MEN1: variants seen among roughly 807,000 people sequenced by gnomAD.
MEN1 encodes the protein menin 1.
A neutral mutation model predicts 58.0 loss-of-function variants in MEN1; 6 were observed. That is an observed-to-expected ratio of 0.10 (90% CI 0.06 to 0.20). The LOEUF (loss-of-function observed/expected upper bound fraction) is 0.20. Among genes scored for constraint, MEN1 ranks in the 10% least tolerant of loss-of-function variants. MEN1 has a pLI of 1.00. For synonymous variants in MEN1, 346 were observed against 350.7 expected (o/e 0.99, Z 0.15); for missense variants, 492 against 818.5 (o/e 0.60, Z 4.87).
rs1565638856 is a variant in MEN1 at position 64,804,791 on chromosome 11, C to T, written c.1376G>A (p.Ser459Asn). Residue 459 changes from serine (S) to asparagine (N), a missense_variant, in exon 10 of 10, where the codon AGC (serine) becomes AAC (asparagine). Around this residue, in one of 5 missense-constraint regions of MEN1, gnomAD observed 45 missense variants for 66.9 expected, o/e 0.67. Transcript: ENST00000450708. This position sits in a 1 kb window ranked among gnomAD's most constrained non-coding sequence, Gnocchi z 4.2. ...GGCCTCGGCCGCCTCGGCCTCTCGG[C>T]TCACTATGCGCACCTTCTGCCGCAC... ...GQVRQKVRIV[S>N]REAEAAEAEE... The T allele has an allele frequency of 1.9e-6, 3 of 1,597,332 alleles. No individual in the cohort carries two copies. Among genetic ancestry groups the T allele is most frequent in the Non-Finnish European group, 2.5e-6 (3 of 1,179,256 alleles).
At position 64,807,831 on chromosome 11, in the gene MEN1, C is replaced by G. The variant is rs1046658620; in HGVS notation, c.654+60G>C. On this transcript the variant is annotated intron_variant, in intron 3 of 9. Coordinates refer to ENST00000450708, the MANE Select transcript of MEN1 (RefSeq NM_001370259.2). The surrounding 1 kb of genome is among the most constrained non-coding windows in gnomAD (Gnocchi z 4.9). ...GGTGTGGCCCAAGAAAATGGAGTCC[C>G]TTGGGTGGCTTGGGCTACTACAGTA... The G allele has an allele frequency of 1.9e-6, 3 of 1,609,206 alleles. No individual in the cohort carries two copies. The African/African-American group carries it at 4.0e-5, about 22-fold the overall frequency.
rs1592658740 is a variant in MEN1, at chr11:64,809,827, C to T, written c.283G>A (p.Ala95Thr). The change falls in exon 2 of 10, where the codon GCC becomes ACC. Residue 95 changes from alanine to threonine, a missense_variant. Around this residue, in one of 5 missense-constraint regions of MEN1, gnomAD observed 335 missense variants for 550.3 expected, o/e 0.61. Coordinates refer to ENST00000450708, the MANE Select transcript of MEN1 (RefSeq NM_001370259.2). ...AGGTCGACGGCGCCTCGGATCTGGG[C>T]GGTGAAGCGGGCATAGAGGGCGGCG... ...IIAALYARFT[A>T]QIRGAVDLSL... 1.2e-6 allele frequency: 2 copies of T among 1,611,472 alleles called. No homozygotes were observed. The highest frequency in any genetic ancestry group is 1.7e-6 in the Non-Finnish European group (2 of 1,179,414).
At position 64,804,161 on chromosome 11, in the gene MEN1, C is replaced by A. The variant is rs1286939851; in HGVS notation, c.*173G>T. 2.5e-6 allele frequency: 2 copies of A among 795,758 alleles called. No homozygotes were observed. Among genetic ancestry groups the A allele is most frequent in the Admixed American group, 2.2e-5 (1 of 46,492 alleles). 49.3% of individuals were successfully genotyped at this position (795,758 alleles called of 1,614,324 possible). ...AACGACTGGGGCAGAGCCCTGGGTT[C>A]TGAGCTGGAGAAAATCGTGGGTTTG... On this transcript the variant is annotated 3_prime_UTR_variant, in exon 10 of 10. Coordinates refer to ENST00000450708, the MANE Select transcript of MEN1 (RefSeq NM_001370259.2). The surrounding 1 kb of genome is among the most constrained non-coding windows in gnomAD (Gnocchi z 4.2).
At position 64,805,848 on chromosome 11, in the gene MEN1, T is replaced by C; in HGVS notation, c.1050-78A>G. On this transcript the variant is annotated intron_variant, in intron 7 of 9. Coordinates refer to ENST00000450708, the MANE Select transcript of MEN1 (RefSeq NM_001370259.2). ...GTAGCCCCAGGGACCTGGCGGGGGATGGAGCCCCCAGGGGCTGGGGGAGTA... is the reference window on the plus strand; with the variant it reads ...GTAGCCCCAGGGACCTGGCGGGGGACGGAGCCCCCAGGGGCTGGGGGAGTA... The C allele has an allele frequency of 4.0e-6, 6 of 1,515,384 alleles. No individual in the cohort carries two copies. The South Asian group carries it at 6.8e-5, about 17-fold the overall frequency. The allele number at this position is 1,515,384 out of a possible 1,614,324, so 93.9% of individuals were successfully genotyped here. A position where few individuals can be genotyped will look rare whatever the true frequency, so the allele number is the denominator to read the frequency against.
intron 1 of MEN1, 24 bp from the exon 2 acceptor site, chr11:64,810,156 A>AG: frequency 7.5e-6 from 2 of 267,476 alleles, no homozygotes; most frequent in East Asian, 5.6e-5. Flanking sequence ...CGGGGGAGGG[A>AG]GGGTCGGGCA....
In MEN1 at chr11:64,810,035, G is replaced by C. The variant is rs1399788808; in HGVS notation, c.75C>G (p.Ala25=). Residue 25 remains alanine, a synonymous_variant, in exon 2 of 10, where the codon GCC becomes GCG. Coordinates refer to ENST00000450708, the MANE Select transcript of MEN1 (RefSeq NM_001370259.2). ...SIDDVVRLFA[A]ELGREEPDLV... Reference sequence around the variant, plus strand: ...GGTCCGGCTCCTCTCGGCCCAGCTCGGCAGCAAACAGGCGCACCACGTCGT... The same window carrying C: ...GGTCCGGCTCCTCTCGGCCCAGCTCCGCAGCAAACAGGCGCACCACGTCGT... 2 of 1,609,704 alleles carry C rather than the reference G, an allele frequency of 1.2e-6. No homozygotes were observed. Among genetic ancestry groups the C allele is most frequent in the Non-Finnish European group, 1.7e-6 (2 of 1,178,226 alleles).
In MEN1 at chr11:64,803,765, T is replaced by C. The variant is rs1941434480; in HGVS notation, c.*569A>G. 3 of 241,258 alleles carry C rather than the reference T, an allele frequency of 1.2e-5. No homozygotes were observed. Among genetic ancestry groups the C allele is most frequent in the Non-Finnish European group, 1.6e-5 (2 of 122,054 alleles). The allele number at this position is 241,258 out of a possible 1,614,324, so 14.9% of individuals were successfully genotyped here. On this transcript the variant is annotated 3_prime_UTR_variant, in exon 10 of 10. Transcript: ENST00000450708. ...CTCATAGGCTGGGGGCGGAGTTTTG[T>C]GTCCCAGACTCGGGATACGAAGGAG...
rs1056705868 is a variant in MEN1, at chr11:64,810,066, G to A, written c.44C>T (p.Ser15Phe). Residue 15 changes from serine to phenylalanine, a missense_variant, in exon 2 of 10, where the codon TCC becomes TTC. Ser to Phe is a radical substitution (Grantham distance 155). Coordinates refer to ENST00000450708, the MANE Select transcript of MEN1 (RefSeq NM_001370259.2). ...AAQKTLFPLR[S>F]IDDVVRLFAA... ...AAACAGGCGCACCACGTCGTCGATG[G>A]AGCGCAGCGGGAACAGCGTCTTCTG... 1.2e-6 allele frequency: 2 copies of A among 1,608,188 alleles called. No individual in the cohort carries two copies. Among genetic ancestry groups the A allele is most frequent in the Non-Finnish European group, 1.7e-6 (2 of 1,178,146 alleles).
chr11:64,809,025 A>G (rs1941935527), intron 2 of MEN1, among the ~76,000 whole-genome samples: 1 of 151,302 alleles, frequency 6.6e-6, no homozygotes, highest in South Asian at 2.1e-4. Context: ...CATTTGGGAG[A>G]CTGAGGCGGG....
rs1258520848 is a variant in MEN1 at position 64,804,332 on chromosome 11, G to A, written c.*2C>T. 7 of 1,614,108 alleles carry A rather than the reference G, an allele frequency of 4.3e-6. No individual in the cohort carries two copies. Among genetic ancestry groups the A allele is most frequent in the African/African-American group, 2.7e-5 (2 of 74,938 alleles). The stretch of plus-strand genomic sequence containing the variant: ...CACAAGCGGTCCGAAGTCCCCAGTA[G>A]TTCAGAGGCCTTTGCGCTGCCGCTT... On this transcript the variant is annotated 3_prime_UTR_variant, in exon 10 of 10. Transcript: ENST00000450708. The surrounding 1 kb of genome is among the most constrained non-coding windows in gnomAD (Gnocchi z 4.2).
rs2136160476 is a variant in MEN1, at chr11:64,808,114, G to A, written c.446-15C>T. 1 of 1,595,078 alleles carries A rather than the reference G, an allele frequency of 6.3e-7. No homozygotes were observed. The highest frequency in any genetic ancestry group is 8.5e-7 in the Non-Finnish European group (1 of 1,171,558). On this transcript the variant is annotated splice_polypyrimidine_tract_variant and intron_variant, in intron 2 of 9. Coordinates refer to ENST00000450708, the MANE Select transcript of MEN1 (RefSeq NM_001370259.2). ...CAATTTGGTGCCTGTGGAAGGGGGAGGTAATGAAAGAGGGTCCTCTGTGCT... is the reference window on the plus strand; with the variant it reads ...CAATTTGGTGCCTGTGGAAGGGGGAAGTAATGAAAGAGGGTCCTCTGTGCT...
At chr11:64,810,368 C>T (rs1197831134) in intron 1 of MEN1, 146 bp downstream of exon 1, 1 of 551,920 alleles carries the variant, frequency 1.8e-6, no homozygotes, top group African/African-American at 1.9e-5. Context: ...GGGTGCGCCC[C>T]AAGCACCCCA....
At position 64,804,427 on chromosome 11, in the gene MEN1, C is replaced by T. The variant is rs1114167530; in HGVS notation, c.1740G>A (p.Thr580=). ...INSSAIKLQL[T]AQSQVQMKKQ... ...TCTTCATCTGCACTTGCGACTGTGC[C>T]GTGAGTTGCAGCTTGATGGCGCTCG... is the stretch of plus-strand genomic sequence containing the variant. Residue 580 remains threonine (T), a synonymous_variant, in exon 10 of 10, where the codon ACG becomes ACA. Transcript: ENST00000450708. The surrounding 1 kb of genome is among the most constrained non-coding windows in gnomAD (Gnocchi z 4.2). 3.7e-6 allele frequency: 6 copies of T among 1,614,176 alleles called. No individual in the cohort carries two copies. Among genetic ancestry groups the T allele is most frequent in the East Asian group, 2.2e-5 (1 of 44,882 alleles).
Position 64,810,139 on chromosome 11 carries a change from G to A in MEN1, c.-23-7C>T. On this transcript the variant is annotated splice_region_variant and splice_polypyrimidine_tract_variant and intron_variant, in intron 1 of 9. Transcript: ENST00000450708. Reference sequence around the variant, plus strand: ...GCGGGCGGTGGGCGGCGGCCTGCAAGGCAAGCCGGGGGAGGGAGGGTCGGG... The same window carrying A: ...GCGGGCGGTGGGCGGCGGCCTGCAAAGCAAGCCGGGGGAGGGAGGGTCGGG... The A allele has an allele frequency of 1.4e-6, 2 of 1,419,472 alleles. No individual in the cohort carries two copies. Among genetic ancestry groups the A allele is most frequent in the Middle Eastern group, 2.4e-4 (1 of 4,118 alleles). 87.9% of individuals were successfully genotyped at this position (1,419,472 alleles called of 1,614,324 possible). A position where few individuals can be genotyped will look rare whatever the true frequency, so the allele number is the denominator to read the frequency against.
chr11:64,810,154 GGA>G, intron 1 of MEN1, 22 bp from the exon 2 acceptor site: 1 of 1,288,484 alleles, frequency 7.8e-7, no homozygotes, highest in Non-Finnish European at 1.1e-6. Flanking sequence ...GCCGGGGGAG[GGA>G]GGGTCGGGCA....
Position 64,804,936 on chromosome 11 carries a change from G to C in MEN1, c.1350+98C>G. 1 of 1,597,694 alleles carries C rather than the reference G, an allele frequency of 6.3e-7. No homozygotes were observed. Among genetic ancestry groups the C allele is most frequent in the Non-Finnish European group, 8.5e-7 (1 of 1,177,794 alleles). On this transcript the variant is annotated intron_variant, in intron 9 of 9. Transcript: ENST00000450708. The surrounding 1 kb of genome is among the most constrained non-coding windows in gnomAD (Gnocchi z 4.2). ...GTCTCAGTCCCATCGGCACCCAAGG[G>C]GATGGGCAGATGCTGCCCCTGGGCC... is the stretch of plus-strand genomic sequence containing the variant.
Position 64,810,094 on chromosome 11 carries a change from C to T in MEN1, c.16G>A (p.Ala6Thr), listed in dbSNP as rs966793401. ...CGCAGCGGGAACAGCGTCTTCTGGGCGGCCTTCAGCCCCATGGCGGCGGGC... is the reference window on the plus strand; with the variant it reads ...CGCAGCGGGAACAGCGTCTTCTGGGTGGCCTTCAGCCCCATGGCGGCGGGC... MGLKA[A>T]QKTLFPLRSI... The change falls in exon 2 of 10, where the codon GCC becomes ACC. Residue 6 changes from alanine (A) to threonine (T), a missense_variant. Ala to Thr is a moderately conservative substitution (Grantham distance 58). Coordinates refer to ENST00000450708, the MANE Select transcript of MEN1 (RefSeq NM_001370259.2). The T allele has an allele frequency of 1.4e-6, 2 of 1,389,540 alleles. No homozygotes were observed. The highest frequency in any genetic ancestry group is 3.7e-5 in the Admixed American group (2 of 53,518). The allele number at this position is 1,389,540 out of a possible 1,614,324, so 86.1% of individuals were successfully genotyped here. A position where few individuals can be genotyped will look rare whatever the true frequency, so the allele number is the denominator to read the frequency against.
rs201682830 is a variant in MEN1, at chr11:64,807,251, G to A, written c.784-32C>T. On this transcript the variant is annotated intron_variant, in intron 4 of 9. Coordinates refer to ENST00000450708, the MANE Select transcript of MEN1 (RefSeq NM_001370259.2). This position sits in a 1 kb window ranked among gnomAD's most constrained non-coding sequence, Gnocchi z 4.9. Reference sequence around the variant, plus strand: ...GCCGAAGGAGAGAGTTATGAGCCACGGAACAGGGAGGAGAACGGGTCCTTA... The same window carrying A: ...GCCGAAGGAGAGAGTTATGAGCCACAGAACAGGGAGGAGAACGGGTCCTTA... 4.1e-5 allele frequency: 66 copies of A among 1,606,604 alleles called. No homozygotes were observed. In the East Asian group the frequency reaches 9.6e-4, roughly 23 times the overall value.
chr11:64,807,250 C>A lies in MEN1; in HGVS notation c.784-31G>T, dbSNP rs551386763. 6.2e-7 allele frequency: 1 copy of A among 1,608,336 alleles called. No individual in the cohort carries two copies. The highest frequency in any genetic ancestry group is 8.5e-7 in the Non-Finnish European group (1 of 1,178,568). On this transcript the variant is annotated intron_variant, in intron 4 of 9. Transcript: ENST00000450708. The surrounding 1 kb of genome is among the most constrained non-coding windows in gnomAD (Gnocchi z 4.9). The stretch of plus-strand genomic sequence containing the variant: ...AGCCGAAGGAGAGAGTTATGAGCCA[C>A]GGAACAGGGAGGAGAACGGGTCCTT...
Sources: gnomAD v4.1 joint callset for allele counts (sites outside exome capture counted in the v4.1 genomes callset) on GRCh38, gnomAD v4.1.1 for gene constraint, gnomAD v4.1.1 regional missense constraint, Gnocchi (gnomAD v3.1) non-coding constraint, MANE v1.5 for transcripts, NCBI Gene and HGNC (gene_info 2026-07-23, HGNC 2026-07-21) for gene names.